Variants in RERE observed in about 807,000 individuals in gnomAD.
The protein encoded by RERE is arginine-glutamic acid dipeptide repeats protein.
RERE carries 40 observed loss-of-function variants against 146.1 expected under a neutral mutation model. That is an observed-to-expected ratio of 0.27 (90% CI 0.21 to 0.36). RERE has a LOEUF of 0.36. Ranked by LOEUF, RERE falls within the 10% of genes least tolerant of loss-of-function variation. RERE has a pLI of 1.00. For missense variants in RERE, 1,933 were observed against 2,138.7 expected (o/e 0.90, Z 1.90); for synonymous variants, 1,003 against 866.0 (o/e 1.16, Z -2.78).
At chr1:8,743,630 T>C (rs1391489607) in intron 1 of RERE, among the ~76,000 whole-genome samples, 1 of 152,090 alleles carries the variant, frequency 6.6e-6, no homozygotes, top group East Asian at 1.9e-4. Flanking sequence ...CATGTCTCAG[T>C]ATAGACATGC....
At chr1:8,519,009 A>G (rs1190827861) in intron 7 of RERE, among the ~76,000 whole-genome samples, 1 of 152,194 alleles carries the variant, frequency 6.6e-6, no homozygotes. Context: ...ACACTGTCAC[A>G]CCCACACCTG....
chr1:8,406,912 G>A (rs1209113454), intron 12 of RERE, among the ~76,000 whole-genome samples: 1 of 152,110 alleles, frequency 6.6e-6, no homozygotes, highest in African/African-American at 2.4e-5. Flanking sequence ...AAAGAACCCT[G>A]CCACAAATGT....
In RERE at chr1:8,444,772, CTTCTTCCACCATGTGATGTGGTG is replaced by C. The variant is rs530532527; in HGVS notation, c.1203+21130_1203+21152del. ...GTGTAGCAGCCCCACCCCCTTGCTC[CTTCTTCCACCATGTGATGTGGTG>C]TTCCCGCTTCAGCTTCCGCCATAAG... On this transcript the variant is annotated intron_variant, in intron 11 of 22. Transcript: ENST00000400908. Among the ~76,000 whole-genome samples the C allele has an allele frequency of 1.6e-3, 248 of 152,198 alleles. 2 individuals are homozygous for C. The highest frequency in any genetic ancestry group is 5.8e-3 in the African/African-American group (242 of 41,518).
chr1:8,358,958 T>C lies in RERE; in HGVS notation c.3619-42A>G, dbSNP rs755904945. 5 of 1,498,470 alleles carry C rather than the reference T, an allele frequency of 3.3e-6. No individual in the cohort carries two copies. In the Admixed American group the frequency reaches 9.0e-5, roughly 27 times the overall value. The allele number at this position is 1,498,470 out of a possible 1,614,324, so 92.8% of individuals were successfully genotyped here. A position where few individuals can be genotyped will look rare whatever the true frequency, so the allele number is the denominator to read the frequency against. On this transcript the variant is annotated intron_variant, in intron 19 of 22. Coordinates refer to ENST00000400908, the MANE Select transcript of RERE (RefSeq NM_001042681.2). ...AAGCGTGAGGGGTCCCCCGAGCGCCTGGGGTCTCCGCTTGGTCCACACTGC... is the reference window on the plus strand; with the variant it reads ...AAGCGTGAGGGGTCCCCCGAGCGCCCGGGGTCTCCGCTTGGTCCACACTGC...
intron 1 of RERE, among the ~76,000 whole-genome samples, chr1:8,706,032 T>C (rs1198066477): frequency 1.4e-5 from 2 of 143,206 alleles, no homozygotes; most frequent in African/African-American, 2.6e-5. Context: ...AGGAGAATGG[T>C]GTGAACCCAG....
intron 4 of RERE, among the ~76,000 whole-genome samples, chr1:8,564,926 G>A (rs545387947): frequency 4.7e-5 from 7 of 150,488 alleles, no homozygotes; most frequent in African/African-American, 1.5e-4. Flanking sequence ...CCTGTCATCT[G>A]CAACAACATG....
intron 1 of RERE, among the ~76,000 whole-genome samples, chr1:8,774,359 T>TTG (rs1641016366): frequency 6.8e-6 from 1 of 148,108 alleles, no homozygotes; most frequent in Non-Finnish European, 1.5e-5. Flanking sequence ...TTTTTTTTTT[T>TTG]TTTTTTTTTT....
At chr1:8,537,612 T>C (rs1645744246) in intron 7 of RERE, among the ~76,000 whole-genome samples, 1 of 152,222 alleles carries the variant, frequency 6.6e-6, no homozygotes, top group Admixed American at 6.5e-5. Flanking sequence ...TTTATCAGTA[T>C]TAATAAGTAT....
Position 8,817,575 on chromosome 1 carries a change from G to A in RERE, c.-560C>T, listed in dbSNP as rs1043569638. On this transcript the variant is annotated 5_prime_UTR_variant, in exon 1 of 23. Transcript: ENST00000400908. ...GGCGGGGACCGAGGCCCAGCGGGGCGAGCGTCTCGGGGTGTGCGGGAGGCT... is the reference window on the plus strand; with the variant it reads ...GGCGGGGACCGAGGCCCAGCGGGGCAAGCGTCTCGGGGTGTGCGGGAGGCT... 2 of 149,942 alleles carry A rather than the reference G, an allele frequency of 1.3e-5. No homozygotes were observed. Among genetic ancestry groups the A allele is most frequent in the Admixed American group, 6.6e-5 (1 of 15,116 alleles). 9.3% of individuals were successfully genotyped at this position (149,942 alleles called of 1,614,324 possible).
intron 4 of RERE, among the ~76,000 whole-genome samples, chr1:8,572,807 T>C (rs1478470879): frequency 6.6e-6 from 1 of 152,230 alleles, no homozygotes; most frequent in Non-Finnish European, 1.5e-5. Context: ...TAGAAAGTTA[T>C]GATGAATGAA....
At chr1:8,419,588 G>A (rs1229263532) in intron 12 of RERE, among the ~76,000 whole-genome samples, 1 of 152,126 alleles carries the variant, frequency 6.6e-6, no homozygotes, top group Non-Finnish European at 1.5e-5. Context: ...AAGGAATTCT[G>A]TACTTTTCAA....
At chr1:8,406,798 T>C (rs892656810) in intron 12 of RERE, among the ~76,000 whole-genome samples, 1 of 63,852 alleles carries the variant, frequency 1.6e-5, no homozygotes, top group Non-Finnish European at 3.4e-5. Flanking sequence ...TTTAGTCCAG[T>C]GAGGATCTTA....
chr1:8,685,922 A>G (rs1639075986), intron 1 of RERE, among the ~76,000 whole-genome samples: 1 of 152,140 alleles, frequency 6.6e-6, no homozygotes, highest in Non-Finnish European at 1.5e-5. Context: ...GAGTGGAGAT[A>G]CAAGGAAGGC....
Position 8,585,156 on chromosome 1 carries a change from A to G in RERE, c.523-27633T>C, listed in dbSNP as rs139725438. ...AGCAAGACTCCATCTCAAAAAAAAA[A>G]AAAAAGAAGTAATTACGGGATAGTC... On this transcript the variant is annotated intron_variant, in intron 4 of 22. Coordinates refer to ENST00000400908, the MANE Select transcript of RERE (RefSeq NM_001042681.2). Among the ~76,000 whole-genome samples the G allele has an allele frequency of 4.1e-3, 630 of 151,822 alleles. 6 individuals are homozygous for G. Among genetic ancestry groups the G allele is most frequent in the African/African-American group, 0.014 (592 of 41,358 alleles).
At chr1:8,709,882 A>C (rs1038401886) in intron 1 of RERE, among the ~76,000 whole-genome samples, 2 of 152,186 alleles carry the variant, frequency 1.3e-5, no homozygotes, top group South Asian at 2.1e-4. Context: ...AAAGCTGTAC[A>C]ACTTATACTC....
intron 4 of RERE, among the ~76,000 whole-genome samples, chr1:8,576,556 A>G (rs1646297286): frequency 6.6e-6 from 1 of 152,250 alleles, no homozygotes; most frequent in Non-Finnish European, 1.5e-5. Context: ...TCTAAAAAAA[A>G]TTAAGTTGTA....
intron 7 of RERE, among the ~76,000 whole-genome samples, chr1:8,520,529 G>A (rs1645478169): frequency 6.6e-6 from 1 of 152,094 alleles, no homozygotes; most frequent in South Asian, 2.1e-4. Flanking sequence ...GAAAGATCCA[G>A]TTTCAAAGTG....
chr1:8,607,528 A>ATTTTTTTTTTTTTTTTTTTTTTT (rs1557431314), intron 4 of RERE, among the ~76,000 whole-genome samples: 1 of 76,970 alleles, frequency 1.3e-5, no homozygotes, highest in African/African-American at 5.2e-5. Flanking sequence ...GTTTTTATAT[A>ATTTTTTTTTTTTTTTTTTTTTTT]TATTTCTTTT....
intron 1 of RERE, among the ~76,000 whole-genome samples, chr1:8,727,158 G>C (rs990362068): frequency 6.7e-6 from 1 of 148,994 alleles, no homozygotes; most frequent in Non-Finnish European, 1.5e-5. Context: ...GCGCGGGGTG[G>C]GGGGAAAGGA....
Sources: gnomAD v4.1 joint callset for allele counts (sites outside exome capture counted in the v4.1 genomes callset) on GRCh38, gnomAD v4.1.1 for gene constraint, MANE v1.5 for transcripts, NCBI Gene and HGNC (gene_info 2026-07-23, HGNC 2026-07-21) for gene names.